MCOLN2: variants seen among roughly 807,000 people sequenced by gnomAD.
MCOLN2 encodes mucolipin-2.
In MCOLN2, 57 loss-of-function variants were observed where a neutral mutation model predicts 67.5. The observed-to-expected ratio is 0.84, with a 90% CI of 0.68 to 1.05. The LOEUF is 1.05. MCOLN2 is among the 50% of genes least tolerant of loss of function. The pLI, the probability that MCOLN2 is intolerant of heterozygous loss-of-function variation, is 0.00. For missense variants in MCOLN2, 620 were observed against 678.8 expected, an observed-to-expected ratio of 0.91 and a Z score of 0.96; for synonymous variants, 246 against 233.3, an observed-to-expected ratio of 1.05 and a Z score of -0.50.
At chr1:84,958,778 C>A (rs1232377294) in intron 2 of MCOLN2, 76 bp from the exon 3 acceptor site, 2 of 1,085,294 alleles carry the variant, frequency 1.8e-6, no homozygotes, top group South Asian at 1.8e-5. Context: ...TCACTATCAT[C>A]AACCATTACC....
chr1:84,994,198 G>C (rs1025302465), intron 1 of MCOLN2, among the ~76,000 whole-genome samples: 8 of 152,176 alleles, frequency 5.3e-5, no homozygotes, highest in African/African-American at 1.9e-4. Flanking sequence ...CATTTACAAA[G>C]CAGAGGCAGA....
At position 84,987,569 on chromosome 1, in the gene MCOLN2, G is replaced by GATGTATACACCT. The variant is rs1650650604; in HGVS notation, c.77+9226_77+9227insAGGTGTATACAT. 2.6e-5 allele frequency among the ~76,000 whole-genome samples: 2 copies of GATGTATACACCT among 76,188 alleles called. 1 individual carries two copies. The highest frequency in any genetic ancestry group is 1.1e-4 in the African/African-American group (2 of 18,678). The allele number at this position is 76,188 out of a possible 152,430, so 50.0% of individuals were successfully genotyped here. A position where few individuals can be genotyped will look rare whatever the true frequency, so the allele number is the denominator to read the frequency against. On this transcript the variant is annotated intron_variant, in intron 1 of 13. Coordinates refer to ENST00000370608, the MANE Select transcript of MCOLN2 (RefSeq NM_153259.4). ...AGATGTATACATCTATGTATACATA[G>GATGTATACACCT]ATGTATACATAGATATATACATATG...
At chr1:84,979,447 TCAA>T (rs1650148585) in intron 1 of MCOLN2, among the ~76,000 whole-genome samples, 1 of 152,044 alleles carries the variant, frequency 6.6e-6, no homozygotes, top group South Asian at 2.1e-4. Flanking sequence ...CAAACCAAAT[TCAA>T]CAACACATTA....
At chr1:84,992,752 T>TA (rs35528034) in intron 1 of MCOLN2, among the ~76,000 whole-genome samples, 104,508 of 142,456 alleles carry the variant, frequency 0.73, 36,057 homozygotes, top group Admixed American at 0.78. Flanking sequence ...GCATTATGTC[T>TA]AAAAAAACCA....
intron 2 of MCOLN2, among the ~76,000 whole-genome samples, chr1:84,962,059 G>A (rs900463737): frequency 1.3e-5 from 2 of 152,136 alleles, no homozygotes; most frequent in Non-Finnish European, 2.9e-5. Flanking sequence ...GAGAGGGAGG[G>A]AAAAGTGAGA....
chr1:84,986,554 A>G (rs1650515440), intron 1 of MCOLN2, among the ~76,000 whole-genome samples: 1 of 151,160 alleles, frequency 6.6e-6, no homozygotes, highest in African/African-American at 2.4e-5. Context: ...AAAAAAAAAA[A>G]AAAAAAAGCT....
At chr1:84,944,357 ACT>A (rs569472399) in intron 7 of MCOLN2, among the ~76,000 whole-genome samples, 1 of 152,022 alleles carries the variant, frequency 6.6e-6, no homozygotes, top group Non-Finnish European at 1.5e-5. Flanking sequence ...ATATGATGAA[ACT>A]CTGTCTCTAC....
chr1:84,971,111 C>T (rs1054190868), intron 1 of MCOLN2, among the ~76,000 whole-genome samples: 2 of 152,104 alleles, frequency 1.3e-5, no homozygotes, highest in African/African-American at 4.8e-5. Flanking sequence ...AGTTGTAATA[C>T]TTTTAGCAAT....
intron 7 of MCOLN2, among the ~76,000 whole-genome samples, chr1:84,945,140 G>C (rs1648023289): frequency 6.6e-6 from 1 of 152,196 alleles, no homozygotes; most frequent in Non-Finnish European, 1.5e-5. Context: ...GGGGGCTAGA[G>C]ATACTCTCTT....
At chr1:84,966,100 A>G (rs955699911) in intron 1 of MCOLN2, among the ~76,000 whole-genome samples, 4 of 151,864 alleles carry the variant, frequency 2.6e-5, no homozygotes, top group Non-Finnish European at 5.9e-5. Flanking sequence ...TAAAATACAA[A>G]AATTAGCTGG....
At chr1:84,929,876 C>A in intron 12 of MCOLN2, 197 bp from the exon 13 acceptor site, 12 of 366,556 alleles carry the variant, frequency 3.3e-5, no homozygotes, top group South Asian at 7.1e-5. Context: ...GAACAGAGAA[C>A]AATCCAAAGA....
rs1651195756 is a variant in MCOLN2 at position 84,997,060 on chromosome 1, GCA to G, written c.-190_-189del. On this transcript the variant is annotated 5_prime_UTR_variant, in exon 1 of 14. Coordinates refer to ENST00000370608, the MANE Select transcript of MCOLN2 (RefSeq NM_153259.4). ...AGACCCCGGCCCGAGAGCAGGCGCC[GCA>G]GTCGTGGAGTGCGGCGGGCAGTTCT... 5.0e-6 allele frequency: 3 copies of G among 600,594 alleles called. No individual in the cohort carries two copies. The highest frequency in any genetic ancestry group is 6.0e-5 in the Admixed American group (2 of 33,480). 37.2% of individuals were successfully genotyped at this position (600,594 alleles called of 1,614,324 possible).
At position 84,952,304 on chromosome 1, in the gene MCOLN2, C is replaced by A. The variant is rs1268846035; in HGVS notation, c.686G>T (p.Gly229Val). 1.9e-6 allele frequency: 3 copies of A among 1,613,426 alleles called. No individual in the cohort carries two copies. In the East Asian group the frequency reaches 6.7e-5, roughly 36 times the overall value. ...LQVEISFHLK[G>V]IDLQTIHSRE... The stretch of plus-strand genomic sequence containing the variant: ...GGAATGAATTGTCTGTAGGTCAATG[C>A]CTTTAAGATGAAAGGAGATTTCAAC... The change falls in exon 6 of 14, where the codon GGC becomes GTC. Residue 229 changes from glycine (G) to valine (V), a missense_variant. Transcript: ENST00000370608.
Position 84,937,856 on chromosome 1 carries a change from C to A in MCOLN2, c.1234G>T (p.Ala412Ser), listed in dbSNP as rs758693522. ...AYNVLILTMQASLPKVLRFCA... is the reference protein window; with the variant it reads ...AYNVLILTMQSSLPKVLRFCA... ...AACCGAAGAACTTTTGGCAGTGAGG[C>A]CTGCATTGTTAAAATCAGCACCTGA... Residue 412 changes from alanine (A) to serine (S), a missense_variant, in exon 11 of 14, where the codon GCC (alanine) becomes TCC (serine). Coordinates refer to ENST00000370608, the MANE Select transcript of MCOLN2 (RefSeq NM_153259.4). 2 of 1,614,100 alleles carry A rather than the reference C, an allele frequency of 1.2e-6. No individual in the cohort carries two copies. The highest frequency in any genetic ancestry group is 1.7e-6 in the Non-Finnish European group (2 of 1,180,026).
intron 3 of MCOLN2, 68 bp downstream of exon 3, chr1:84,958,461 G>T: frequency 7.6e-7 from 1 of 1,317,182 alleles, no homozygotes; most frequent in Non-Finnish European, 1.0e-6. Context: ...ATTTTTGTTT[G>T]TTGGCTAAGA....
intron 13 of MCOLN2, among the ~76,000 whole-genome samples, chr1:84,927,869 C>T (rs927655393): frequency 6.6e-6 from 1 of 152,212 alleles, no homozygotes; most frequent in Non-Finnish European, 1.5e-5. Flanking sequence ...ATCCTTCTGC[C>T]CTGGCCTCCC....
intron 1 of MCOLN2, among the ~76,000 whole-genome samples, chr1:84,975,948 G>A (rs141008970): frequency 0.013 from 2,044 of 152,030 alleles, 48 homozygotes; most frequent in African/African-American, 0.047. Flanking sequence ...AAGAATTAGT[G>A]AGCTCCAAGA....
At chr1:84,928,083 G>A (rs565971355) in intron 13 of MCOLN2, among the ~76,000 whole-genome samples, 10 of 152,254 alleles carry the variant, frequency 6.6e-5, no homozygotes, top group African/African-American at 2.4e-4. Flanking sequence ...CTAGGCTTTG[G>A]TCTGATGATT....
At chr1:84,983,676 CTTT>C (rs569506991) in intron 1 of MCOLN2, among the ~76,000 whole-genome samples, 13 of 129,852 alleles carry the variant, frequency 1.0e-4, no homozygotes, top group Admixed American at 2.4e-4. Flanking sequence ...TTTAAAATTT[CTTT>C]TTTTTTTTTT....
Sources: gnomAD v4.1 joint callset for allele counts (sites outside exome capture counted in the v4.1 genomes callset) on GRCh38, gnomAD v4.1.1 for gene constraint, MANE v1.5 for transcripts, NCBI Gene and HGNC (gene_info 2026-07-23, HGNC 2026-07-21) for gene names.